ESRRB: variants seen among roughly 807,000 people sequenced by gnomAD.
ESRRB encodes the protein steroid hormone receptor ERR2.
A neutral mutation model predicts 46.0 loss-of-function variants in ESRRB; 16 were observed. That is an observed-to-expected ratio of 0.35 (90% CI 0.24 to 0.53). The LOEUF is 0.53. Among genes scored for constraint, ESRRB ranks in the 20% least tolerant of loss-of-function variants. The pLI is 0.93. For missense variants in ESRRB, 488 were observed against 607.4 expected, an observed-to-expected ratio of 0.80 and a Z score of 2.07; for synonymous variants, 246 against 259.6, an observed-to-expected ratio of 0.95 and a Z score of 0.50.
At chr14:76,430,999 G>A (rs1044665293) in intron 1 of ESRRB, among the ~76,000 whole-genome samples, 5 of 152,268 alleles carry the variant, frequency 3.3e-5, no homozygotes, top group Admixed American at 2.6e-4. Context: ...AGATTCCAGC[G>A]TAAAAAACAG....
At chr14:76,453,310 T>C (rs571756652) in intron 2 of ESRRB, among the ~76,000 whole-genome samples, 6 of 152,316 alleles carry the variant, frequency 3.9e-5, no homozygotes, top group South Asian at 2.1e-4. Context: ...ACAGTTACCA[T>C]TGACCAGGTG....
At chr14:76,425,208 T>C (rs1887145894) in intron 1 of ESRRB, among the ~76,000 whole-genome samples, 2 of 152,132 alleles carry the variant, frequency 1.3e-5, no homozygotes, top group Non-Finnish European at 2.9e-5. Context: ...ACTTGTTCTG[T>C]AGGTCATGAG....
At chr14:76,339,652 T>C (rs1254562052) in intron 1 of ESRRB, among the ~76,000 whole-genome samples, 1 of 152,094 alleles carries the variant, frequency 6.6e-6, no homozygotes, top group African/African-American at 2.4e-5. Flanking sequence ...GAAAGCAGCC[T>C]GGGTGAAAGA....
intron 1 of ESRRB, among the ~76,000 whole-genome samples, chr14:76,317,100 A>G (rs1883809718): frequency 6.6e-6 from 1 of 152,142 alleles, no homozygotes; most frequent in Admixed American, 6.5e-5. Flanking sequence ...AGTTATGAAC[A>G]TCATTTTGGG....
intron 1 of ESRRB, among the ~76,000 whole-genome samples, chr14:76,384,385 G>T (rs1252237950): frequency 6.6e-6 from 1 of 152,130 alleles, no homozygotes; most frequent in Non-Finnish European, 1.5e-5. Context: ...CATAGTAGCT[G>T]GATGAGGGTG....
At chr14:76,310,996 CTCTCTCTCT>C in intron 1 of ESRRB, 1 of 431,268 alleles carries the variant, frequency 2.3e-6, no homozygotes, top group South Asian at 1.7e-5. Context: ...CTCTCTCTCT[CTCTCTCTCT>C]CTCTCTCTCT....
At position 76,406,428 on chromosome 14, in the gene ESRRB, T is replaced by C. The variant is rs188241083; in HGVS notation, c.50+29977T>C. Among the ~76,000 whole-genome samples the C allele has an allele frequency of 3.5e-3, 531 of 152,246 alleles. 4 individuals are homozygous for C. Among genetic ancestry groups the C allele is most frequent in the African/African-American group, 0.012 (493 of 41,544 alleles). ...CTCCCTTCCTCTCTTCATTAAAGAT[T>C]CTACTCAAATGTCACATTGGTTAAA... is the stretch of plus-strand genomic sequence containing the variant. On this transcript the variant is annotated intron_variant, in intron 1 of 6. Coordinates refer to ENST00000644823, the MANE Select transcript of ESRRB (RefSeq NM_001379180.1).
intron 3 of ESRRB, among the ~76,000 whole-genome samples, chr14:76,467,074 G>C (rs376722680): frequency 6.6e-6 from 1 of 152,050 alleles, no homozygotes; most frequent in Non-Finnish European, 1.5e-5. Context: ...ACTGTAAAAC[G>C]GGGATGTTGA....
At chr14:76,326,240 G>A (rs567147629) in intron 1 of ESRRB, among the ~76,000 whole-genome samples, 81 of 152,180 alleles carry the variant, frequency 5.3e-4, no homozygotes, top group African/African-American at 1.8e-3. Flanking sequence ...GAAAAAAAAA[G>A]GTAAAGAAAG....
At chr14:76,485,856 C>T (rs534485506) in intron 5 of ESRRB, among the ~76,000 whole-genome samples, 16 of 152,238 alleles carry the variant, frequency 1.1e-4, no homozygotes, top group African/African-American at 2.6e-4. Context: ...CCGCATCTCA[C>T]GAGAGGGCAT....
chr14:76,448,500 G>GT (rs1392821048), intron 2 of ESRRB, among the ~76,000 whole-genome samples: 1 of 30,226 alleles, frequency 3.3e-5, no homozygotes, highest in Non-Finnish European at 7.4e-5. Context: ...GGCTAATTTT[G>GT]TATTTTTTTT....
At chr14:76,445,857 T>TGTA (rs1475084437) in intron 2 of ESRRB, among the ~76,000 whole-genome samples, 1 of 152,138 alleles carries the variant, frequency 6.6e-6, no homozygotes, top group East Asian at 1.9e-4. Flanking sequence ...GGCTAATTTT[T>TGTA]GTATTTTCAG....
At chr14:76,497,087 G>T (rs1234167709) in intron 6 of ESRRB, among the ~76,000 whole-genome samples, 1 of 152,132 alleles carries the variant, frequency 6.6e-6, no homozygotes, top group Non-Finnish European at 1.5e-5. Context: ...GGGAGAGGGA[G>T]CTGGCAGGAG....
At chr14:76,359,045 CCTT>C (rs1192720942) in intron 1 of ESRRB, among the ~76,000 whole-genome samples, 8 of 152,202 alleles carry the variant, frequency 5.3e-5, no homozygotes, top group African/African-American at 1.9e-4. Context: ...CCTGAAATAA[CCTT>C]CTAGAATACC....
At chr14:76,377,529 A>C (rs1218197547) in intron 1 of ESRRB, among the ~76,000 whole-genome samples, 1 of 152,030 alleles carries the variant, frequency 6.6e-6, no homozygotes, top group Non-Finnish European at 1.5e-5. Context: ...ATAATACATA[A>C]AACTCTAGGT....
rs548493571 is a variant in ESRRB, at chr14:76,475,762, AT to A, written c.578-6253del. Among the ~76,000 whole-genome samples, 15 of 152,348 alleles carry A rather than the reference AT, an allele frequency of 9.8e-5. 1 individual carries two copies. In the East Asian group the frequency reaches 2.7e-3, roughly 27 times the overall value. On this transcript the variant is annotated intron_variant, in intron 3 of 6. Transcript: ENST00000644823. ...TACCTAAGAGTGGGATTGCTGAATC[AT>A]ATGGTAATTCTGTCTAGCTTTTTGA...
intron 1 of ESRRB, among the ~76,000 whole-genome samples, chr14:76,364,784 G>A (rs902936839): frequency 2.0e-5 from 3 of 151,964 alleles, no homozygotes; most frequent in Admixed American, 2.0e-4. Flanking sequence ...AAGAGACAAA[G>A]AATAACTGGG....
chr14:76,446,041 G>A (rs1888131117), intron 2 of ESRRB, among the ~76,000 whole-genome samples: 2 of 152,212 alleles, frequency 1.3e-5, no homozygotes. Context: ...AATGGCGGGG[G>A]AGGGAAGAGG....
Position 76,439,808 on chromosome 14 carries a change from C to T in ESRRB, c.460+58C>T, listed in dbSNP as rs557867243. ...GGGTTGGGGGTGGCAGCCGTGCCTG[C>T]GGGTCTGGCAGAAGCCCTAGGAATT... On this transcript the variant is annotated intron_variant, in intron 2 of 6. Coordinates refer to ENST00000644823, the MANE Select transcript of ESRRB (RefSeq NM_001379180.1). 3.4e-5 allele frequency: 54 copies of T among 1,579,390 alleles called. No homozygotes were observed. In the East Asian group the frequency reaches 1.0e-3, roughly 30 times the overall value.
Sources: allele counts gnomAD v4.1 joint callset (sites outside exome capture counted in the v4.1 genomes callset), GRCh38; gene constraint gnomAD v4.1.1; transcripts MANE v1.5; gene names NCBI Gene and HGNC (gene_info 2026-07-23, HGNC 2026-07-21).